RFTN1: variants seen among roughly 807,000 people sequenced by gnomAD.
RFTN1 encodes raftlin, lipid raft linker 1.
Under a neutral mutation model 46.5 loss-of-function variants are expected in RFTN1, and 26 were observed. The ratio of observed to expected loss-of-function variants is 0.56; its 90% CI spans 0.41 to 0.78. The LOEUF (loss-of-function observed/expected upper bound fraction) is 0.78, where lower values mean the gene tolerates loss of function less well. RFTN1 is among the 30% of genes least tolerant of loss of function. The pLI, the probability that RFTN1 is intolerant of heterozygous loss-of-function variation, is 0.00. For synonymous variants in RFTN1, 261 were observed against 284.2 expected (o/e 0.92, Z 0.82); for missense variants, 693 against 718.7 (o/e 0.96, Z 0.41).
chr3:16,493,663 C>CAA, intron 2 of RFTN1, 62 bp downstream of exon 2: 74 of 954,124 alleles, frequency 7.8e-5, no homozygotes, highest in Non-Finnish European at 1.0e-4. Flanking sequence ...GCACCCCCAT[C>CAA]CCCTGCAGGC....
At position 16,317,041 on chromosome 3, in the gene RFTN1, C is replaced by A. The variant is rs775174618; in HGVS notation, c.1524G>T (p.Met508Ile). Reference protein sequence around the residue: ...QQQEGGVSEEMKGPVQEDKGE... With the variant: ...QQQEGGVSEEIKGPVQEDKGE... ...CCTTGTCCTCTTGGACAGGGCCCTT[C>A]ATCTCCTCGGAGACTCCACCCTCCT... The change falls in exon 10 of 10, where the codon ATG (methionine) becomes ATT (isoleucine). Residue 508 changes from methionine (M) to isoleucine (I), a missense_variant. By Grantham distance (10) the Met-to-Ile change is conservative. Transcript: ENST00000334133. The surrounding 1 kb of genome is among the most constrained non-coding windows in gnomAD (Gnocchi z 4.3). 3 of 1,613,784 alleles carry A rather than the reference C, an allele frequency of 1.9e-6. No homozygotes were observed. Among genetic ancestry groups the A allele is most frequent in the African/African-American group, 2.7e-5 (2 of 74,836 alleles).
In RFTN1 at chr3:16,424,964, G is replaced by A. The variant is rs2075262517; in HGVS notation, c.332+8887C>T. On this transcript the variant is annotated intron_variant, in intron 3 of 9. Coordinates refer to ENST00000334133, the MANE Select transcript of RFTN1 (RefSeq NM_015150.2). This position sits in a 1 kb window ranked among gnomAD's most constrained non-coding sequence, Gnocchi z 4.7. ...CACAAAAAAAATCTAAGTTACTTCTGATTGACAAAGAGGAAAAAATGTCAA... is the reference window on the plus strand; with the variant it reads ...CACAAAAAAAATCTAAGTTACTTCTAATTGACAAAGAGGAAAAAATGTCAA... 6.6e-6 allele frequency among the ~76,000 whole-genome samples: 1 copy of A among 151,988 alleles called. No individual in the cohort carries two copies. The highest frequency in any genetic ancestry group is 1.5e-5 in the Non-Finnish European group (1 of 68,010).
chr3:16,502,121 C>T (rs1463904581), intron 1 of RFTN1, among the ~76,000 whole-genome samples: 1 of 150,956 alleles, frequency 6.6e-6, no homozygotes, highest in Non-Finnish European at 1.5e-5. Context: ...AATAAGAACA[C>T]TTTGGGAGGC....
intron 4 of RFTN1, among the ~76,000 whole-genome samples, chr3:16,390,190 G>A (rs146907792): frequency 4.5e-4 from 69 of 152,326 alleles, no homozygotes; most frequent in Non-Finnish European, 9.4e-4. Flanking sequence ...GGGGTGGTTT[G>A]TTACACAGCA....
rs1169042131 is a variant in RFTN1, at chr3:16,465,519, C to T, written c.145+28206G>A. 6.6e-6 allele frequency among the ~76,000 whole-genome samples: 1 copy of T among 151,650 alleles called. No individual in the cohort carries two copies. The stretch of plus-strand genomic sequence containing the variant: ...AAATCCAATACAGTTCGAAACTTAA[C>T]AATAATTTAAAAGAAAGGCCACTTG... On this transcript the variant is annotated intron_variant, in intron 2 of 9. Coordinates refer to ENST00000334133, the MANE Select transcript of RFTN1 (RefSeq NM_015150.2). This position sits in a 1 kb window ranked among gnomAD's most constrained non-coding sequence, Gnocchi z 5.1.
chr3:16,441,542 T>C (rs2075624241), intron 2 of RFTN1, among the ~76,000 whole-genome samples: 1 of 152,188 alleles, frequency 6.6e-6, no homozygotes, highest in Non-Finnish European at 1.5e-5. Flanking sequence ...TGGGAAAGTA[T>C]CAGCCTCCAA....
chr3:16,392,886 A>ATGTG (rs1393522528), intron 4 of RFTN1, among the ~76,000 whole-genome samples: 1 of 152,074 alleles, frequency 6.6e-6, no homozygotes, highest in Non-Finnish European at 1.5e-5. Flanking sequence ...AAAAAAGAAA[A>ATGTG]TGTGTGAGTC....
At position 16,480,158 on chromosome 3, in the gene RFTN1, T is replaced by G. The variant is rs1447719526; in HGVS notation, c.145+13567A>C. Among the ~76,000 whole-genome samples the G allele has an allele frequency of 6.6e-6, 1 of 152,242 alleles. No homozygotes were observed. Among genetic ancestry groups the G allele is most frequent in the East Asian group, 1.9e-4 (1 of 5,200 alleles). On this transcript the variant is annotated intron_variant, in intron 2 of 9. Transcript: ENST00000334133. The surrounding 1 kb of genome is among the most constrained non-coding windows in gnomAD (Gnocchi z 4.3). ...AGTAACTTTGCCAGACAAGACTGCT[T>G]TCTCCAAAAAGAAAAGTCCACCCAC...
At chr3:16,491,878 T>C (rs542482767) in intron 2 of RFTN1, among the ~76,000 whole-genome samples, 1 of 152,328 alleles carries the variant, frequency 6.6e-6, no homozygotes, top group Admixed American at 6.5e-5. Flanking sequence ...CAATCCTTTC[T>C]CCTAGACACG....
rs1358538325 is a variant in RFTN1, at chr3:16,459,931, A to T, written c.146-25894T>A. Among the ~76,000 whole-genome samples the T allele has an allele frequency of 6.6e-6, 1 of 152,228 alleles. No individual in the cohort carries two copies. Among genetic ancestry groups the T allele is most frequent in the Non-Finnish European group, 1.5e-5 (1 of 68,042 alleles). On this transcript the variant is annotated intron_variant, in intron 2 of 9. Coordinates refer to ENST00000334133, the MANE Select transcript of RFTN1 (RefSeq NM_015150.2). The surrounding 1 kb of genome is among the most constrained non-coding windows in gnomAD (Gnocchi z 4.2). The stretch of plus-strand genomic sequence containing the variant: ...CAAACTAAACTGGAAAACTAAGAAA[A>T]TTAAATGTGATTTTTTTCTTCTCAG...
Position 16,402,222 on chromosome 3 carries a change from A to C in RFTN1, c.441+7153T>G, listed in dbSNP as rs963464766. Among the ~76,000 whole-genome samples the C allele has an allele frequency of 2.0e-5, 3 of 152,162 alleles. No homozygotes were observed. The highest frequency in any genetic ancestry group is 7.2e-5 in the African/African-American group (3 of 41,440). On this transcript the variant is annotated intron_variant, in intron 4 of 9. Coordinates refer to ENST00000334133, the MANE Select transcript of RFTN1 (RefSeq NM_015150.2). The surrounding 1 kb of genome is among the most constrained non-coding windows in gnomAD (Gnocchi z 4.5). ...ACCTCTCTCTCCTTCAATGACACGA[A>C]GGTTTAGTGAGTATTCCTCTTTCTC... is the stretch of plus-strand genomic sequence containing the variant.
chr3:16,383,846 TAA>T lies in RFTN1; in HGVS notation c.442-5746_442-5745del, dbSNP rs1312147713. On this transcript the variant is annotated intron_variant, in intron 4 of 9. Transcript: ENST00000334133. This position sits in a 1 kb window ranked among gnomAD's most constrained non-coding sequence, Gnocchi z 4.0. ...CACAGCCTGTAGTAGATAGCATGGG[TAA>T]AGAGTCAGAGACACTTCCAAGACTG... is the stretch of plus-strand genomic sequence containing the variant. Among the ~76,000 whole-genome samples, 3 of 152,186 alleles carry T rather than the reference TAA, an allele frequency of 2.0e-5. No individual in the cohort carries two copies. The highest frequency in any genetic ancestry group is 4.4e-5 in the Non-Finnish European group (3 of 68,044).
rs942542521 is a variant in RFTN1, at chr3:16,475,800, G to A, written c.145+17925C>T. ...CAAAAGCCAAGTCCCAGCAGTCACGGTTTCCATATTGAAGCAATGTTAATT... is the reference window on the plus strand; with the variant it reads ...CAAAAGCCAAGTCCCAGCAGTCACGATTTCCATATTGAAGCAATGTTAATT... On this transcript the variant is annotated intron_variant, in intron 2 of 9. Coordinates refer to ENST00000334133, the MANE Select transcript of RFTN1 (RefSeq NM_015150.2). This position sits in a 1 kb window ranked among gnomAD's most constrained non-coding sequence, Gnocchi z 4.2. 6.6e-6 allele frequency among the ~76,000 whole-genome samples: 1 copy of A among 152,192 alleles called. No homozygotes were observed. Among genetic ancestry groups the A allele is most frequent in the Non-Finnish European group, 1.5e-5 (1 of 68,048 alleles).
intron 6 of RFTN1, among the ~76,000 whole-genome samples, chr3:16,360,227 C>T (rs2125337795): frequency 1.3e-5 from 2 of 151,860 alleles, no homozygotes; most frequent in Middle Eastern, 6.8e-3. Flanking sequence ...ACTGGAGTGC[C>T]ATGGCACAAT....
chr3:16,391,872 TTTTTTTTTTGTTTTTTTTTTTG>T (rs1559317820), intron 4 of RFTN1, among the ~76,000 whole-genome samples: 7 of 15,640 alleles, frequency 4.5e-4, no homozygotes, highest in South Asian at 8.2e-4. Flanking sequence ...TTTTTTTGTT[TTTTTTTTTTGTTTTTTTTTTTG>T]TTTTTTTTAC....
rs1362097742 is a variant in RFTN1 at position 16,385,972 on chromosome 3, G to C, written c.442-7870C>G. Among the ~76,000 whole-genome samples, 1 of 152,182 alleles carries C rather than the reference G, an allele frequency of 6.6e-6. No individual in the cohort carries two copies. Among genetic ancestry groups the C allele is most frequent in the African/African-American group, 2.4e-5 (1 of 41,448 alleles). On this transcript the variant is annotated intron_variant, in intron 4 of 9. Transcript: ENST00000334133. The surrounding 1 kb of genome is among the most constrained non-coding windows in gnomAD (Gnocchi z 5.0). ...CCCTCCAAGGCTGCAAGACCCCCAGGCTTCCATTAAATGCTGCTGCACACC... is the reference window on the plus strand; with the variant it reads ...CCCTCCAAGGCTGCAAGACCCCCAGCCTTCCATTAAATGCTGCTGCACACC...
chr3:16,413,800 C>A lies in RFTN1; in HGVS notation c.333-4317G>T, dbSNP rs956197863. Among the ~76,000 whole-genome samples, 1 of 152,094 alleles carries A rather than the reference C, an allele frequency of 6.6e-6. No individual in the cohort carries two copies. Among genetic ancestry groups the A allele is most frequent in the Non-Finnish European group, 1.5e-5 (1 of 68,022 alleles). On this transcript the variant is annotated intron_variant, in intron 3 of 9. Transcript: ENST00000334133. The surrounding 1 kb of genome is among the most constrained non-coding windows in gnomAD (Gnocchi z 4.7). The stretch of plus-strand genomic sequence containing the variant: ...CCATCCCCAACTTGGTATGATAATT[C>A]CAATAGATTTATTAGTTAGAGGCTA...
At position 16,387,763 on chromosome 3, in the gene RFTN1, T is replaced by A. The variant is rs2074238482; in HGVS notation, c.442-9661A>T. Reference sequence around the variant, plus strand: ...CCACCTCCACTCACTCTCTAGCTTCTGTACTGCCTCCTCACCGGCAGCTCC... The same window carrying A: ...CCACCTCCACTCACTCTCTAGCTTCAGTACTGCCTCCTCACCGGCAGCTCC... On this transcript the variant is annotated intron_variant, in intron 4 of 9. Coordinates refer to ENST00000334133, the MANE Select transcript of RFTN1 (RefSeq NM_015150.2). The surrounding 1 kb of genome is among the most constrained non-coding windows in gnomAD (Gnocchi z 5.2). Among the ~76,000 whole-genome samples, 2 of 152,138 alleles carry A rather than the reference T, an allele frequency of 1.3e-5. 1 individual carries two copies. The highest frequency in any genetic ancestry group is 4.1e-4 in the South Asian group (2 of 4,830).
chr3:16,392,039 G>A (rs992172784), intron 4 of RFTN1, among the ~76,000 whole-genome samples: 2 of 152,008 alleles, frequency 1.3e-5, no homozygotes, highest in Non-Finnish European at 2.9e-5. Context: ...GATTTCTTGA[G>A]GAGGCAAGTC....
Sources: gnomAD v4.1 joint callset for allele counts (sites outside exome capture counted in the v4.1 genomes callset) on GRCh38, gnomAD v4.1.1 for gene constraint, Gnocchi (gnomAD v3.1) non-coding constraint, MANE v1.5 for transcripts, NCBI Gene and HGNC (gene_info 2026-07-23, HGNC 2026-07-21) for gene names.